The following SEMA4D variants were observed in gnomAD, a reference collection of about 807,000 sequenced individuals.
SEMA4D encodes the protein semaphorin 4D, also known as semaphorin-4D.
SEMA4D carries 22 observed loss-of-function variants against 74.8 expected under a neutral mutation model. That is an observed-to-expected ratio of 0.29 (90% CI 0.21 to 0.42). The LOEUF (loss-of-function observed/expected upper bound fraction) is 0.42. SEMA4D is among the 10% of genes least tolerant of loss of function. SEMA4D has a pLI of 1.00. For synonymous variants in SEMA4D, 445 were observed against 463.7 expected (o/e 0.96, Z 0.52); for missense variants, 937 against 1,118.4 (o/e 0.84, Z 2.31).
intron 1 of SEMA4D, among the ~76,000 whole-genome samples, chr9:89,470,154 A>G (rs767555262): frequency 2.6e-5 from 4 of 152,228 alleles, no homozygotes; most frequent in Admixed American, 6.5e-5. Context: ...TCAAAATTAA[A>G]ATGTTTGGCT....
downstream of SEMA4D, among the ~76,000 whole-genome samples, chr9:89,376,095 C>T (rs1835749200): frequency 1.3e-5 from 2 of 152,252 alleles, no homozygotes; most frequent in South Asian, 4.1e-4. Context: ...GCCTTGGCCT[C>T]CCAAAGCAGG....
chr9:89,387,723 T>C, intron 11 of SEMA4D, 115 bp from the exon 12 acceptor site: 1 of 786,530 alleles, frequency 1.3e-6, no homozygotes, highest in Admixed American at 2.2e-5. Context: ...ACACAATGCA[T>C]GCCTTGAAAT....
chr9:89,446,049 C>T (rs1196450910), intron 2 of SEMA4D, among the ~76,000 whole-genome samples: 1 of 152,150 alleles, frequency 6.6e-6, no homozygotes, highest in Non-Finnish European at 1.5e-5. Context: ...TCCCAGGCAA[C>T]AGCTTTCCTT....
intron 1 of SEMA4D, among the ~76,000 whole-genome samples, chr9:89,468,337 T>C (rs765586919): frequency 6.6e-5 from 10 of 152,174 alleles, no homozygotes; most frequent in Non-Finnish European, 1.3e-4. Flanking sequence ...TTCCCTCACA[T>C]AGGAAGATGC....
chr9:89,458,644 T>C (rs1487967230), intron 1 of SEMA4D, among the ~76,000 whole-genome samples: 1 of 151,944 alleles, frequency 6.6e-6, no homozygotes, highest in Non-Finnish European at 1.5e-5. Flanking sequence ...AGCACACATG[T>C]ATATTCACAT....
At chr9:89,411,804 G>A (rs1193339875) in intron 2 of SEMA4D, among the ~76,000 whole-genome samples, 1 of 152,222 alleles carries the variant, frequency 6.6e-6, no homozygotes, top group African/African-American at 2.4e-5. Flanking sequence ...CCCTAGGGCA[G>A]CCAGATCTGG....
Position 89,418,149 on chromosome 9 carries a change from A to C in SEMA4D, c.-243-12450T>G, listed in dbSNP as rs149307995. On this transcript the variant is annotated intron_variant, in intron 2 of 15. Transcript: ENST00000422704. ...AAAATAATGGGAAACAAGGCTATTTAAGCCCTTAAACTGTGCATCCACTTA... is the reference window on the plus strand; with the variant it reads ...AAAATAATGGGAAACAAGGCTATTTCAGCCCTTAAACTGTGCATCCACTTA... The C allele has an allele frequency of 3.6e-3, 3,523 of 966,854 alleles. 8 individuals carry two copies. The highest frequency in any genetic ancestry group is 4.1e-3 in the Non-Finnish European group (3,313 of 812,970). The allele number at this position is 966,854 out of a possible 1,614,324, so 59.9% of individuals were successfully genotyped here.
In SEMA4D at chr9:89,366,050, C is replaced by G. The variant is rs535219594; in HGVS notation, c.1883-2100G>C. ...GAATGAGTCCCGAGGCAAGGATGGG[C>G]CCAGTGAAGCCCTGTTTCTATCAGT... On this transcript the variant is annotated intron_variant, in intron 16 of 18. Coordinates refer to the SEMA4D transcript ENST00000339861. 3.3e-5 allele frequency among the ~76,000 whole-genome samples: 5 copies of G among 152,220 alleles called. No homozygotes were observed. In the South Asian group the frequency reaches 1.0e-3, roughly 32 times the overall value.
chr9:89,486,909 C>T (rs980389089), intron 1 of SEMA4D, among the ~76,000 whole-genome samples: 5 of 152,006 alleles, frequency 3.3e-5, no homozygotes, highest in African/African-American at 1.2e-4. Flanking sequence ...CACAGTGAGA[C>T]CTTGTCTCCA....
At chr9:89,397,555 C>G (rs1343836191) in intron 5 of SEMA4D, among the ~76,000 whole-genome samples, 1 of 152,214 alleles carries the variant, frequency 6.6e-6, no homozygotes, top group Non-Finnish European at 1.5e-5. Flanking sequence ...GCTAAAAGTA[C>G]TTGCGTTACA....
At chr9:89,385,335 G>A (rs2132943052) in intron 13 of SEMA4D, 1 of 985,382 alleles carries the variant, frequency 1.0e-6, no homozygotes, top group Non-Finnish European at 1.2e-6. Flanking sequence ...TAGAGATGTT[G>A]TAGGTGCCTG....
At chr9:89,485,815 GAA>G (rs55817561) in intron 1 of SEMA4D, among the ~76,000 whole-genome samples, 7 of 80,272 alleles carry the variant, frequency 8.7e-5, no homozygotes, top group Non-Finnish European at 1.5e-4. Flanking sequence ...AAAAAAAAAA[GAA>G]AAAAAAAAAA....
At chr9:89,457,292 G>C (rs1856177883) in intron 1 of SEMA4D, among the ~76,000 whole-genome samples, 1 of 152,130 alleles carries the variant, frequency 6.6e-6, no homozygotes, top group Non-Finnish European at 1.5e-5. Flanking sequence ...GGATGCTGCT[G>C]AATCACATTC....
rs1243793131 is a variant in SEMA4D, at chr9:89,402,858, G to T, written c.252+13C>A. 6.2e-7 allele frequency: 1 copy of T among 1,611,294 alleles called. No individual in the cohort carries two copies. The highest frequency in any genetic ancestry group is 1.7e-5 in the Admixed American group (1 of 59,938). On this transcript the variant is annotated intron_variant, in intron 4 of 15. Coordinates refer to ENST00000422704, the MANE Select transcript of SEMA4D (RefSeq NM_001371194.2). ...CTGGGCTATGTGGACATGCAGGGGAGCCCAGGACGTACCTCATGCTGCTTC... is the reference window on the plus strand; with the variant it reads ...CTGGGCTATGTGGACATGCAGGGGATCCCAGGACGTACCTCATGCTGCTTC...
intron 2 of SEMA4D, among the ~76,000 whole-genome samples, chr9:89,444,953 A>G (rs1371822470): frequency 6.6e-6 from 1 of 152,198 alleles, no homozygotes; most frequent in Non-Finnish European, 1.5e-5. Context: ...ACATCCCGAC[A>G]GAACAGGGTC....
chr9:89,444,433 G>A (rs930918197), intron 2 of SEMA4D, among the ~76,000 whole-genome samples: 12 of 152,180 alleles, frequency 7.9e-5, no homozygotes, highest in Admixed American at 7.9e-4. Context: ...CTCTGCAGCC[G>A]CTACTGACGG....
chr9:89,398,737 G>C (rs1469633786), intron 5 of SEMA4D, among the ~76,000 whole-genome samples: 1 of 152,184 alleles, frequency 6.6e-6, no homozygotes, highest in African/African-American at 2.4e-5. Flanking sequence ...CTCACACAAA[G>C]CCTGCTCCTG....
Position 89,492,678 on chromosome 9 carries a change from C to T in SEMA4D, c.-310+5241G>A, listed in dbSNP as rs1021467472. 6.6e-6 allele frequency among the ~76,000 whole-genome samples: 1 copy of T among 152,198 alleles called. No homozygotes were observed. Among genetic ancestry groups the T allele is most frequent in the African/African-American group, 2.4e-5 (1 of 41,450 alleles). ...CCCGATCCAAGACTCTTGGGTCATC[C>T]TGGACCCCTTGCTTGCTGCAACAGC... On this transcript the variant is annotated intron_variant, in intron 1 of 15. Coordinates refer to ENST00000422704, the MANE Select transcript of SEMA4D (RefSeq NM_001371194.2). This position sits in a 1 kb window ranked among gnomAD's most constrained non-coding sequence, Gnocchi z 4.3.
chr9:89,468,550 G>A (rs1859339908), intron 1 of SEMA4D, among the ~76,000 whole-genome samples: 2 of 152,116 alleles, frequency 1.3e-5, no homozygotes, highest in African/African-American at 4.8e-5. Flanking sequence ...ACTCCTTTTG[G>A]CCTTATTTTT....
Sources: gnomAD v4.1 joint callset for allele counts (sites outside exome capture counted in the v4.1 genomes callset) on GRCh38, gnomAD v4.1.1 for gene constraint, Gnocchi (gnomAD v3.1) non-coding constraint, MANE v1.5 for transcripts, NCBI Gene and HGNC (gene_info 2026-07-23, HGNC 2026-07-21) for gene names.